Variants in SPOCK1 observed in about 807,000 individuals in gnomAD.
SPOCK1 encodes testican-1.
In SPOCK1, 23 loss-of-function variants were observed where a neutral mutation model predicts 55.3. That is an observed-to-expected ratio of 0.42 (90% CI 0.30 to 0.59). The LOEUF is 0.59. SPOCK1 is among the 20% of genes least tolerant of loss of function. The probability of loss-of-function intolerance (pLI) is 0.22; values close to 1 mark genes in which losing one functional copy is unlikely to be tolerated. For synonymous variants in SPOCK1, 226 were observed against 221.0 expected (o/e 1.02, Z -0.20); for missense variants, 499 against 552.5 (o/e 0.90, Z 0.97).
At chr5:137,436,473 C>A (rs1418790207) in intron 2 of SPOCK1, among the ~76,000 whole-genome samples, 3 of 152,136 alleles carry the variant, frequency 2.0e-5, no homozygotes, top group Non-Finnish European at 4.4e-5. Flanking sequence ...CTGGCATGTT[C>A]CTGCAATAAT....
At chr5:137,489,666 C>T (rs1528958) in intron 2 of SPOCK1, among the ~76,000 whole-genome samples, 55,904 of 152,104 alleles carry the variant, frequency 0.37, 10,399 homozygotes, top group East Asian at 0.46. Flanking sequence ...TTGACTCATT[C>T]CCCTGCCCCC....
chr5:137,093,759 A>G (rs544702858), intron 5 of SPOCK1, among the ~76,000 whole-genome samples: 1 of 152,336 alleles, frequency 6.6e-6, no homozygotes, highest in East Asian at 1.9e-4. Flanking sequence ...GCTGATATGA[A>G]ACGAGCTCAG....
intron 5 of SPOCK1, among the ~76,000 whole-genome samples, chr5:137,093,601 A>G (rs1419004432): frequency 6.6e-6 from 1 of 152,198 alleles, no homozygotes; most frequent in Non-Finnish European, 1.5e-5. Context: ...GAAAGTAATG[A>G]GGGGAAGACA....
chr5:137,175,760 G>C (rs936786030), intron 3 of SPOCK1, among the ~76,000 whole-genome samples: 6 of 152,114 alleles, frequency 3.9e-5, no homozygotes, highest in Admixed American at 3.3e-4. Flanking sequence ...CTGGCATATA[G>C]AATGTACTCA....
intron 2 of SPOCK1, among the ~76,000 whole-genome samples, chr5:137,360,607 A>C (rs1244406145): frequency 1.3e-5 from 2 of 152,210 alleles, no homozygotes; most frequent in African/African-American, 4.8e-5. Context: ...TTTATTTCTA[A>C]AGGGCTTTAT....
intron 2 of SPOCK1, among the ~76,000 whole-genome samples, chr5:137,431,549 G>T (rs970125054): frequency 2.0e-5 from 3 of 152,224 alleles, no homozygotes; most frequent in Non-Finnish European, 4.4e-5. Context: ...GTGTTGGGAG[G>T]TGGGACCCAG....
At chr5:137,386,886 G>C (rs1381634381) in intron 2 of SPOCK1, among the ~76,000 whole-genome samples, 1 of 151,978 alleles carries the variant, frequency 6.6e-6, no homozygotes, top group African/African-American at 2.4e-5. Context: ...ACAGACTGGG[G>C]GAAAAATATG....
chr5:137,267,925 T>G (rs542376725), intron 2 of SPOCK1, among the ~76,000 whole-genome samples: 5 of 152,366 alleles, frequency 3.3e-5, no homozygotes, highest in African/African-American at 1.2e-4. Context: ...ATAGCATCTT[T>G]AAGGATTTGT....
chr5:137,237,323 C>A (rs1181958130), intron 3 of SPOCK1, among the ~76,000 whole-genome samples: 1 of 152,104 alleles, frequency 6.6e-6, no homozygotes, highest in Non-Finnish European at 1.5e-5. Flanking sequence ...AGGCAGAGGA[C>A]TAAGAGTGCT....
chr5:137,367,017 A>G (rs1157525668), intron 2 of SPOCK1, among the ~76,000 whole-genome samples: 1 of 152,240 alleles, frequency 6.6e-6, no homozygotes, highest in Non-Finnish European at 1.5e-5. Context: ...GTGACAACTG[A>G]GTCAAATGGC....
chr5:137,264,150 C>A (rs1221378594), intron 3 of SPOCK1, among the ~76,000 whole-genome samples: 1 of 152,068 alleles, frequency 6.6e-6, no homozygotes, highest in Non-Finnish European at 1.5e-5. Flanking sequence ...ACAGCCAGAG[C>A]CCAGGGCTCC....
rs1005654343 is a variant in SPOCK1 at position 137,173,402 on chromosome 5, G to A, written c.233-32708C>T. 2.6e-5 allele frequency among the ~76,000 whole-genome samples: 4 copies of A among 152,046 alleles called. No homozygotes were observed. In the South Asian group the frequency reaches 6.2e-4, roughly 24 times the overall value. ...ATCAACTTTTTCTTAACCAGAGTTG[G>A]CTTCTGTTTCTTGCCACCAAGATGC... On this transcript the variant is annotated intron_variant, in intron 3 of 10. Transcript: ENST00000394945.
chr5:137,267,026 G>A lies in SPOCK1; in HGVS notation c.216C>T (p.Asn72=). ...DDDYFRNWNP[N]KPFDQALDPS... ...ATCCATTACCTTGGTCAAAGGGCTT[G>A]TTGGGATTCCAGTTTCTGAAATAAT... The change falls in exon 3 of 11, where the codon AAC becomes AAT. Residue 72 remains asparagine, a synonymous_variant. Coordinates refer to ENST00000394945, the MANE Select transcript of SPOCK1 (RefSeq NM_004598.4). The A allele has an allele frequency of 6.2e-7, 1 of 1,613,018 alleles. No individual in the cohort carries two copies. Among genetic ancestry groups the A allele is most frequent in the Non-Finnish European group, 8.5e-7 (1 of 1,179,100 alleles).
chr5:137,259,697 A>AG, intron 3 of SPOCK1, among the ~76,000 whole-genome samples: 1 of 151,696 alleles, frequency 6.6e-6, no homozygotes, highest in Admixed American at 6.6e-5. Flanking sequence ...GTAAAAAAAA[A>AG]AAAAAAAGAA....
At position 137,247,791 on chromosome 5, in the gene SPOCK1, G is replaced by C. The variant is rs1259186621; in HGVS notation, c.232+19219C>G. On this transcript the variant is annotated intron_variant, in intron 3 of 10. Transcript: ENST00000394945. ...CTAAGGGGAAGACAGGAAAACCTGA[G>C]GGGGTGGCCTGGCTTCATAACAACC... 2.6e-5 allele frequency among the ~76,000 whole-genome samples: 4 copies of C among 152,306 alleles called. No homozygotes were observed. In the East Asian group the frequency reaches 7.7e-4, roughly 29 times the overall value.
chr5:137,005,809 C>A (rs1267866074), intron 6 of SPOCK1, among the ~76,000 whole-genome samples: 4 of 152,022 alleles, frequency 2.6e-5, no homozygotes, highest in African/African-American at 7.2e-5. Flanking sequence ...TCTGAAGAAA[C>A]AAAAGACAAC....
intron 2 of SPOCK1, among the ~76,000 whole-genome samples, chr5:137,344,619 A>G (rs1047024554): frequency 3.3e-5 from 5 of 152,170 alleles, no homozygotes; most frequent in East Asian, 1.9e-4. Flanking sequence ...ACCAACCTAT[A>G]CTGTGCAGGA....
At chr5:137,106,501 G>C (rs10491301) in intron 5 of SPOCK1, among the ~76,000 whole-genome samples, 23,152 of 152,030 alleles carry the variant, frequency 0.15, 2,430 homozygotes, top group East Asian at 0.37. Context: ...AGCTGAAGAC[G>C]GTGAAGAAGT....
chr5:137,430,067 G>T (rs757341220), intron 2 of SPOCK1, among the ~76,000 whole-genome samples: 3 of 152,204 alleles, frequency 2.0e-5, no homozygotes, highest in Non-Finnish European at 2.9e-5. Context: ...AGCAGTTGCT[G>T]CTCCCCCAGG....
Sources: allele counts gnomAD v4.1 joint callset (sites outside exome capture counted in the v4.1 genomes callset), GRCh38; gene constraint gnomAD v4.1.1; transcripts MANE v1.5; gene names NCBI Gene and HGNC (gene_info 2026-07-23, HGNC 2026-07-21).